The following ARHGAP25 variants were observed in gnomAD, a reference collection of about 807,000 sequenced individuals.
The protein encoded by ARHGAP25 is Rho GTPase activating protein 25, also known as rho GTPase-activating protein 25.
ARHGAP25 carries 34 observed loss-of-function variants against 71.0 expected under a neutral mutation model. That is an observed-to-expected ratio of 0.48 (90% CI 0.36 to 0.64). The LOEUF (loss-of-function observed/expected upper bound fraction) is 0.64. Ranked by LOEUF, ARHGAP25 falls within the 30% of genes least tolerant of loss-of-function variation. The pLI, the probability that ARHGAP25 is intolerant of heterozygous loss-of-function variation, is 0.00. For synonymous variants in ARHGAP25, 282 were observed against 296.5 expected (o/e 0.95, Z 0.50); for missense variants, 706 against 805.1 (o/e 0.88, Z 1.49).
At position 68,775,408 on chromosome 2, in the gene ARHGAP25, C is replaced by T; in HGVS notation, c.249C>T (p.Asp83=). The T allele has an allele frequency of 1.2e-6, 2 of 1,614,238 alleles. No individual in the cohort carries two copies. Among genetic ancestry groups the T allele is most frequent in the Non-Finnish European group, 1.7e-6 (2 of 1,180,048 alleles). ...TCTACTACTACAAGGATGAAGAGGA[C>T]ACGAAGCCCCAGGTACCAGCCAGGC... is the stretch of plus-strand genomic sequence containing the variant. ...QQLYYYKDEE[D]TKPQGCMYLP... Residue 83 remains aspartate, a synonymous_variant, in exon 2 of 11, where the codon GAC becomes GAT. Transcript: ENST00000409202.
rs115936539 is a variant in ARHGAP25, at chr2:68,720,600, T to C, written c.-18+9902T>C. On this transcript the variant is annotated intron_variant and NMD_transcript_variant, in intron 2 of 7. Transcript: ENST00000463483. ...GTTTTAAAATTTGTAGGCTATTTTC[T>C]AATAGACTTTCTCTACGCTAGATGT... is the stretch of plus-strand genomic sequence containing the variant. Among the ~76,000 whole-genome samples the C allele has an allele frequency of 9.1e-3, 1,390 of 152,340 alleles. 22 individuals are homozygous for C. Among genetic ancestry groups the C allele is most frequent in the African/African-American group, 0.032 (1,320 of 41,570 alleles).
chr2:68,744,260 A>AT (rs1248577851), intron 1 of ARHGAP25, among the ~76,000 whole-genome samples: 1 of 151,780 alleles, frequency 6.6e-6, no homozygotes, highest in African/African-American at 2.4e-5. Context: ...ATATATATAT[A>AT]TTTTTTCCAA....
chr2:68,823,312 C>A (rs868557363), intron 10 of ARHGAP25, among the ~76,000 whole-genome samples: 4 of 152,096 alleles, frequency 2.6e-5, no homozygotes, highest in Middle Eastern at 6.8e-3. Context: ...CTAGTGGGGA[C>A]AGATGGACAA....
intron 3 of ARHGAP25, among the ~76,000 whole-genome samples, chr2:68,783,455 T>A (rs1371956169): frequency 1.3e-5 from 2 of 151,912 alleles, no homozygotes; most frequent in Non-Finnish European, 2.9e-5. Context: ...TTTTTTTTGT[T>A]TTTTGTTTTT....
chr2:68,825,406 T>C (rs541787369), intron 10 of ARHGAP25, among the ~76,000 whole-genome samples: 16 of 152,152 alleles, frequency 1.1e-4, no homozygotes, highest in African/African-American at 3.6e-4. Flanking sequence ...TGTTATCCGG[T>C]TGAAGATACA....
chr2:68,812,353 C>T (rs1680886728), intron 5 of ARHGAP25, among the ~76,000 whole-genome samples: 1 of 152,184 alleles, frequency 6.6e-6, no homozygotes, highest in Non-Finnish European at 1.5e-5. Context: ...ACAGATTTGG[C>T]TCCTGGCCCG....
In ARHGAP25 at chr2:68,780,943, T is replaced by C. The variant is rs111838855; in HGVS notation, c.262-1290T>C. Among the ~76,000 whole-genome samples, 818 of 152,280 alleles carry C rather than the reference T, an allele frequency of 5.4e-3. 5 individuals are homozygous for C. Among genetic ancestry groups the C allele is most frequent in the Admixed American group, 0.01 (153 of 15,300 alleles). On this transcript the variant is annotated intron_variant, in intron 2 of 10. Transcript: ENST00000409202. ...GCTACCTTCAACAGCCAGCGAGGTG[T>C]AAATTATGAATAACTAGATCCAGTG...
At chr2:68,753,699 G>A (rs1277383373) in intron 1 of ARHGAP25, among the ~76,000 whole-genome samples, 6 of 152,110 alleles carry the variant, frequency 3.9e-5, no homozygotes, top group Non-Finnish European at 8.8e-5. Flanking sequence ...ACGTTCTCAT[G>A]TTTTTTCAGG....
intron 2 of ARHGAP25, among the ~76,000 whole-genome samples, chr2:68,780,932 C>T (rs534358546): frequency 6.6e-6 from 1 of 152,164 alleles, no homozygotes; most frequent in African/African-American, 2.4e-5. Context: ...CCTTCAACAG[C>T]CAGCGAGGTG....
chr2:68,717,540 A>G (rs1224220644), intron 2 of ARHGAP25, among the ~76,000 whole-genome samples: 1 of 152,226 alleles, frequency 6.6e-6, no homozygotes, highest in African/African-American at 2.4e-5. Context: ...AGGCTTGACA[A>G]GGGTGTTAGG....
At chr2:68,728,651 C>G (rs1321857164) in intron 2 of ARHGAP25, among the ~76,000 whole-genome samples, 1 of 152,120 alleles carries the variant, frequency 6.6e-6, no homozygotes, top group Non-Finnish European at 1.5e-5. Context: ...AATTCCAGCA[C>G]TTTGAGAGGC....
Position 68,775,229 on chromosome 2 carries a change from A to G in ARHGAP25, c.70A>G (p.Arg24Gly). 1 of 1,614,248 alleles carries G rather than the reference A, an allele frequency of 6.2e-7. No homozygotes were observed. The highest frequency in any genetic ancestry group is 8.5e-7 in the Non-Finnish European group (1 of 1,180,042). Residue 24 changes from arginine (R) to glycine (G), a missense_variant, in exon 2 of 11, where the codon AGG (arginine) becomes GGG (glycine). Arg to Gly is a moderately radical substitution (Grantham distance 125). Coordinates refer to ENST00000409202, the MANE Select transcript of ARHGAP25 (RefSeq NM_001007231.3). Reference sequence around the variant, plus strand: ...TCTGTTCCTCTCTATAGCTCGGTCAAGGAGTGTGATGACTGGCGAGCAGAT... The same window carrying G: ...TCTGTTCCTCTCTATAGCTCGGTCAGGGAGTGTGATGACTGGCGAGCAGAT... ...KVEAAKIARS[R>G]SVMTGEQMAA...
chr2:68,711,927 G>C (rs756078690), intron 2 of ARHGAP25, among the ~76,000 whole-genome samples: 2 of 152,002 alleles, frequency 1.3e-5, no homozygotes, highest in Non-Finnish European at 2.9e-5. Flanking sequence ...TTGTGCATTT[G>C]GGTTGGTTCC....
rs538739207 is a variant in ARHGAP25 at position 68,780,737 on chromosome 2, G to A, written c.262-1496G>A. ...CTTGTCTTGTTCTCTCTCAGTCTTA[G>A]GCATTTTTATTTCTAGATCCTCAAG... On this transcript the variant is annotated intron_variant, in intron 2 of 10. Coordinates refer to ENST00000409202, the MANE Select transcript of ARHGAP25 (RefSeq NM_001007231.3). Among the ~76,000 whole-genome samples the A allele has an allele frequency of 7.6e-4, 115 of 151,614 alleles. 3 individuals are homozygous for A. The South Asian group carries it at 0.023, about 30-fold the overall frequency.
In ARHGAP25 at chr2:68,823,758, C is replaced by T. The variant is rs558738850; in HGVS notation, c.1733+886C>T. On this transcript the variant is annotated intron_variant, in intron 10 of 10. Coordinates refer to ENST00000409202, the MANE Select transcript of ARHGAP25 (RefSeq NM_001007231.3). ...GGCTCACTGGCTTCCCATTGAGCAC[C>T]GGCTGCAGGGGGCAAACAGAAGCGG... 2.0e-4 allele frequency among the ~76,000 whole-genome samples: 30 copies of T among 152,280 alleles called. 1 individual carries two copies. The highest frequency in any genetic ancestry group is 1.1e-3 in the Admixed American group (17 of 15,294).
At chr2:68,752,102 G>A (rs748075024) in intron 1 of ARHGAP25, among the ~76,000 whole-genome samples, 13 of 152,360 alleles carry the variant, frequency 8.5e-5, no homozygotes, top group Non-Finnish European at 1.6e-4. Context: ...TTGGGGCAGG[G>A]ATTTACTGTT....
intron 9 of ARHGAP25, among the ~76,000 whole-genome samples, chr2:68,821,271 C>T (rs936072144): frequency 4.0e-5 from 6 of 151,698 alleles, no homozygotes; most frequent in African/African-American, 1.2e-4. Context: ...AATTGTTTTG[C>T]GTATTTTTTG....
chr2:68,775,534 T>C, intron 2 of ARHGAP25, 114 bp downstream of exon 2: 3 of 1,509,684 alleles, frequency 2.0e-6, no homozygotes, highest in East Asian at 2.3e-5. Flanking sequence ...GACACACCCA[T>C]TGGAAAGGAA....
intron 2 of ARHGAP25, among the ~76,000 whole-genome samples, chr2:68,776,906 G>C (rs1677962117): frequency 6.6e-6 from 1 of 152,102 alleles, no homozygotes; most frequent in South Asian, 2.1e-4. Flanking sequence ...GAAGAGGACT[G>C]TTTTCTTTAA....
Sources: allele counts gnomAD v4.1 joint callset (sites outside exome capture counted in the v4.1 genomes callset), GRCh38; gene constraint gnomAD v4.1.1; transcripts MANE v1.5; gene names NCBI Gene and HGNC (gene_info 2026-07-23, HGNC 2026-07-21).